The following LINGO2 variants were observed in gnomAD, a reference collection of about 807,000 sequenced individuals.
LINGO2 encodes leucine rich repeat and Ig domain containing 2, also known as leucine-rich repeat and immunoglobulin-like domain-containing nogo receptor-interacting protein 2.
Under a neutral mutation model 30.6 loss-of-function variants are expected in LINGO2, and 14 were observed. The ratio of observed to expected loss-of-function variants is 0.46; its 90% confidence interval spans 0.30 to 0.72. The LOEUF (loss-of-function observed/expected upper bound fraction) is 0.72, where lower values mean the gene tolerates loss of function less well. LINGO2 is among the 30% of genes least tolerant of loss of function. LINGO2 has a pLI of 0.07. For missense variants in LINGO2, 729 were observed against 751.7 expected, an observed-to-expected ratio of 0.97 and a Z score of 0.35; for synonymous variants, 317 against 288.5, an observed-to-expected ratio of 1.10 and a Z score of -1.00.
intron 2 of LINGO2, among the ~76,000 whole-genome samples, chr9:28,470,685 T>A (rs2135167497): frequency 6.6e-6 from 1 of 152,244 alleles, no homozygotes; most frequent in Admixed American, 6.5e-5. Flanking sequence ...TCAGCTGTGA[T>A]TCTACTGTCA....
intron 4 of LINGO2, among the ~76,000 whole-genome samples, chr9:28,273,413 C>T (rs181487290): frequency 1.3e-5 from 2 of 152,258 alleles, no homozygotes; most frequent in Admixed American, 1.3e-4. Context: ...AAGAAAGCCA[C>T]GGAAACTCTC....
chr9:29,102,019 T>C, the LINGO2 span, among the ~76,000 whole-genome samples: 4 of 152,318 alleles, frequency 2.6e-5, no homozygotes, highest in East Asian at 5.8e-4. Context: ...TAAGTCATAG[T>C]TGACTTTTCA....
rs1488288918 is a variant in LINGO2 at position 28,221,303 on chromosome 9, A to T, written c.-87+73905T>A. ...TGACAGAGCCAGACCCCGTCTAAAAAAAAAAAAAAAAAAAAAAAAAAAGCA... is the reference window on the plus strand; with the variant it reads ...TGACAGAGCCAGACCCCGTCTAAAATAAAAAAAAAAAAAAAAAAAAAAGCA... On this transcript the variant is annotated intron_variant, in intron 4 of 5. Transcript: ENST00000379992. 2.1e-4 allele frequency among the ~76,000 whole-genome samples: 3 copies of T among 14,164 alleles called. No homozygotes were observed. The East Asian group carries it at 0.014, about 64-fold the overall frequency. The allele number at this position is 14,164 out of a possible 152,430, so 9.3% of individuals were successfully genotyped here.
the LINGO2 span, among the ~76,000 whole-genome samples, chr9:29,014,316 T>C: frequency 6.6e-6 from 1 of 152,158 alleles, no homozygotes; most frequent in African/African-American, 2.4e-5. Context: ...CTCCTCAAAG[T>C]TAACCATCAT....
intron 4 of LINGO2, among the ~76,000 whole-genome samples, chr9:28,214,042 CA>C (rs574935572): frequency 2.6e-5 from 4 of 151,118 alleles, no homozygotes; most frequent in Admixed American, 1.3e-4. Flanking sequence ...GGAAATTAAT[CA>C]AAAAAATATA....
chr9:27,991,514 G>A (rs992904147), intron 5 of LINGO2, among the ~76,000 whole-genome samples: 6 of 152,116 alleles, frequency 3.9e-5, no homozygotes, highest in African/African-American at 7.2e-5. Context: ...CTCAAGACCC[G>A]GCAGATGCTA....
chr9:28,283,976 T>C (rs947231942), intron 4 of LINGO2, among the ~76,000 whole-genome samples: 3 of 152,186 alleles, frequency 2.0e-5, no homozygotes, highest in African/African-American at 7.2e-5. Flanking sequence ...TTATTTATAA[T>C]ACAATGTTCC....
intron 1 of LINGO2, among the ~76,000 whole-genome samples, chr9:28,617,975 A>G (rs1826216730): frequency 6.6e-6 from 1 of 152,206 alleles, no homozygotes. Flanking sequence ...GATATCACTG[A>G]AGTTGAAGCT....
intron 1 of LINGO2, among the ~76,000 whole-genome samples, chr9:28,557,710 C>G (rs1011952074): frequency 1.3e-5 from 2 of 151,020 alleles, no homozygotes; most frequent in Non-Finnish European, 2.9e-5. Context: ...ATGTTTATTG[C>G]GGCATTATTC....
At chr9:28,652,559 C>A (rs908259252) in intron 1 of LINGO2, among the ~76,000 whole-genome samples, 17 of 151,866 alleles carry the variant, frequency 1.1e-4, no homozygotes, top group Non-Finnish European at 1.0e-4. Context: ...ATTATTGTTC[C>A]CAAATGATGA....
the LINGO2 span, among the ~76,000 whole-genome samples, chr9:29,095,457 A>G: frequency 1.4e-5 from 2 of 138,106 alleles, no homozygotes; most frequent in South Asian, 4.6e-4. Context: ...AATAAACACA[A>G]CAAAACACCT....
chr9:28,936,502 A>G, the LINGO2 span, among the ~76,000 whole-genome samples: 1 of 152,176 alleles, frequency 6.6e-6, no homozygotes, highest in Non-Finnish European at 1.5e-5. Context: ...CACTTAATGG[A>G]CAATAAAACT....
At chr9:28,168,178 C>T (rs1828485611) in intron 4 of LINGO2, among the ~76,000 whole-genome samples, 1 of 152,028 alleles carries the variant, frequency 6.6e-6, no homozygotes, top group African/African-American at 2.4e-5. Context: ...TCATTTGTGC[C>T]CTGACTCCTG....
the LINGO2 span, among the ~76,000 whole-genome samples, chr9:29,081,091 C>T: frequency 6.6e-6 from 1 of 152,046 alleles, no homozygotes; most frequent in Non-Finnish European, 1.5e-5. Context: ...CCAGCATCAT[C>T]CTGATACCAA....
chr9:28,504,962 A>G (rs934514833), intron 1 of LINGO2, among the ~76,000 whole-genome samples: 2 of 151,904 alleles, frequency 1.3e-5, no homozygotes, highest in Non-Finnish European at 2.9e-5. Flanking sequence ...TAATAGAACA[A>G]TGAGGAGACC....
At chr9:27,994,446 C>T (rs1349497582) in intron 5 of LINGO2, among the ~76,000 whole-genome samples, 1 of 152,048 alleles carries the variant, frequency 6.6e-6, no homozygotes, top group African/African-American at 2.4e-5. Flanking sequence ...GATAGGTAGA[C>T]ATGAGCAGGA....
chr9:28,439,558 G>A (rs1399347638), intron 2 of LINGO2, among the ~76,000 whole-genome samples: 1 of 152,058 alleles, frequency 6.6e-6, no homozygotes, highest in Non-Finnish European at 1.5e-5. Flanking sequence ...CTGTTCTTGT[G>A]GTAGAGTTCT....
chr9:28,135,916 T>C (rs1235500902), intron 4 of LINGO2, among the ~76,000 whole-genome samples: 2 of 152,146 alleles, frequency 1.3e-5, no homozygotes, highest in Non-Finnish European at 2.9e-5. Context: ...TGAGATTTTG[T>C]TTTTTTCCCT....
intron 1 of LINGO2, among the ~76,000 whole-genome samples, chr9:28,655,009 A>G (rs1828269556): frequency 6.6e-6 from 1 of 152,122 alleles, no homozygotes; most frequent in East Asian, 1.9e-4. Flanking sequence ...AAAACATTTG[A>G]AATAGGCTAT....
Sources: allele counts gnomAD v4.1 joint callset (sites outside exome capture counted in the v4.1 genomes callset), GRCh38; gene constraint gnomAD v4.1.1; transcripts MANE v1.5; gene names NCBI Gene and HGNC (gene_info 2026-07-23, HGNC 2026-07-21).